The following FANCI variants were observed in gnomAD, a reference collection of about 807,000 sequenced individuals.
FANCI encodes the protein FA complementation group I, also known as Fanconi anemia group I protein.
In FANCI, 156 loss-of-function variants were observed where a neutral mutation model predicts 176.1. The ratio of observed to expected loss-of-function variants is 0.89; its 90% CI spans 0.78 to 1.01. The LOEUF (loss-of-function observed/expected upper bound fraction) is 1.01, where lower values mean the gene tolerates loss of function less well. Among genes scored for constraint, FANCI ranks in the 50% least tolerant of loss-of-function variants. FANCI has a pLI of 0.00. For missense variants in FANCI, 1,678 were observed against 1,534.1 expected (o/e 1.09, Z -1.57); for synonymous variants, 613 against 541.7 (o/e 1.13, Z -1.83).
At chr15:89,311,371 A>G (rs1379993275) in intron 34 of FANCI, among the ~76,000 whole-genome samples, 1 of 152,182 alleles carries the variant, frequency 6.6e-6, no homozygotes, top group East Asian at 1.9e-4. Context: ...GTGAGCTGAG[A>G]TCGCACCATT....
chr15:89,304,639 C>T (rs77260683), intron 28 of FANCI, among the ~76,000 whole-genome samples: 1 of 152,218 alleles, frequency 6.6e-6, no homozygotes, highest in Non-Finnish European at 1.5e-5. Context: ...TCATTGCAGA[C>T]TAGCTGCTTG....
At chr15:89,307,747 C>T in intron 34 of FANCI, 75 bp downstream of exon 34, 5 of 1,612,872 alleles carry the variant, frequency 3.1e-6, no homozygotes, top group Non-Finnish European at 4.2e-6. Context: ...CTATTGATCA[C>T]CTGAACTGAG....
chr15:89,252,516 G>A (rs2052303019), intron 2 of FANCI, among the ~76,000 whole-genome samples: 1 of 151,948 alleles, frequency 6.6e-6, no homozygotes, highest in Non-Finnish European at 1.5e-5. Flanking sequence ...AAGGCAGGCG[G>A]ATCACCTGAG....
Position 89,305,543 on chromosome 15 carries a change from A to G in FANCI, c.3256-62A>G, listed in dbSNP as rs1384716397. 5 of 1,604,116 alleles carry G rather than the reference A, an allele frequency of 3.1e-6. No homozygotes were observed. The Admixed American group carries it at 6.7e-5, about 21-fold the overall frequency. ...CACCTGTAGGTGGCCAGGTGACCAC[A>G]GTTATTATATTACCCCCACAGCTGT... On this transcript the variant is annotated intron_variant, in intron 30 of 37. Coordinates refer to ENST00000310775, the MANE Select transcript of FANCI (RefSeq NM_001113378.2).
chr15:89,271,173 G>A (rs2053186295), intron 10 of FANCI, among the ~76,000 whole-genome samples: 1 of 151,934 alleles, frequency 6.6e-6, no homozygotes, highest in South Asian at 2.1e-4. Context: ...AATTTACATA[G>A]CACAAAATTA....
chr15:89,282,055 C>T (rs2053634610), intron 16 of FANCI: 6 of 525,500 alleles, frequency 1.1e-5, no homozygotes, highest in Non-Finnish European at 1.7e-5. Context: ...TTGCAATTCC[C>T]ATTTTACAGA....
chr15:89,283,864 G>A (rs1420430701), intron 17 of FANCI, among the ~76,000 whole-genome samples: 6 of 151,612 alleles, frequency 4.0e-5, no homozygotes, highest in Non-Finnish European at 7.4e-5. Context: ...CCGGGTTCAC[G>A]CCATTCTCCT....
chr15:89,299,308 T>C (rs2054440729), intron 24 of FANCI, among the ~76,000 whole-genome samples: 2 of 152,182 alleles, frequency 1.3e-5, no homozygotes, highest in Admixed American at 6.5e-5. Context: ...CGTGGTAAAT[T>C]CATCCAAACA....
intron 12 of FANCI, among the ~76,000 whole-genome samples, chr15:89,274,599 CTTTTTTTTTTTT>C (rs1157910630): frequency 1.2e-5 from 1 of 82,834 alleles, no homozygotes; most frequent in Non-Finnish European, 2.2e-5. Flanking sequence ...TCTTTCTTTC[CTTTTTTTTTTTT>C]TTTTTTTTTT....
chr15:89,316,558 A>T lies in FANCI; in HGVS notation c.*99A>T. The T allele has an allele frequency of 7.6e-7, 1 of 1,314,186 alleles. No homozygotes were observed. Among genetic ancestry groups the T allele is most frequent in the South Asian group, 1.2e-5 (1 of 80,338 alleles). The allele number at this position is 1,314,186 out of a possible 1,614,324, so 81.4% of individuals were successfully genotyped here. ...TCCTGTAGTCCACACCGATGTTGGC[A>T]TCTTGGTTCTGAACCCACTGAATTC... On this transcript the variant is annotated 3_prime_UTR_variant, in exon 38 of 38. Coordinates refer to ENST00000310775, the MANE Select transcript of FANCI (RefSeq NM_001113378.2).
At chr15:89,262,325 C>T (rs948921107) in intron 6 of FANCI, among the ~76,000 whole-genome samples, 1 of 151,752 alleles carries the variant, frequency 6.6e-6, no homozygotes, top group African/African-American at 2.4e-5. Flanking sequence ...TGGGAATCTA[C>T]ATTAAAGAAT....
At chr15:89,274,822 C>G (rs1222494317) in intron 12 of FANCI, among the ~76,000 whole-genome samples, 1 of 151,814 alleles carries the variant, frequency 6.6e-6, no homozygotes, top group African/African-American at 2.4e-5. Flanking sequence ...CCAGGCTGGT[C>G]TTGAACTTCT....
chr15:89,310,006 T>C (rs1344470833), intron 34 of FANCI, among the ~76,000 whole-genome samples: 1 of 152,212 alleles, frequency 6.6e-6, no homozygotes, highest in Non-Finnish European at 1.5e-5. Context: ...TCATCCTAGC[T>C]ATAGGTTATG....
chr15:89,306,025 C>G lies in FANCI; in HGVS notation c.3368C>G (p.Ala1123Gly). The G allele has an allele frequency of 6.2e-7, 1 of 1,614,178 alleles. No individual in the cohort carries two copies. The highest frequency in any genetic ancestry group is 8.5e-7 in the Non-Finnish European group (1 of 1,180,030). The stretch of plus-strand genomic sequence containing the variant: ...CCTTTAGAAGAGGCCTCTTCTCAGG[C>G]AACCCTACCAAATCAGCCTGTTGAG... ...ETLSEEASSQ[A>G]TLPNQPVEKA... Residue 1123 changes from alanine (A) to glycine (G), a missense_variant, in exon 32 of 38, where the codon GCA (alanine) becomes GGA (glycine). This residue lies in a region of FANCI where 1,204 missense variants were observed against 1,077.4 expected (regional missense o/e 1.12). Coordinates refer to ENST00000310775, the MANE Select transcript of FANCI (RefSeq NM_001113378.2).
At chr15:89,266,892 A>G (rs1044292111) in intron 9 of FANCI, among the ~76,000 whole-genome samples, 5 of 151,634 alleles carry the variant, frequency 3.3e-5, no homozygotes, top group African/African-American at 1.2e-4. Flanking sequence ...TAGGTTTGAG[A>G]TATATATTAG....
At chr15:89,253,437 C>G (rs929318048) in intron 2 of FANCI, among the ~76,000 whole-genome samples, 9 of 152,048 alleles carry the variant, frequency 5.9e-5, no homozygotes, top group African/African-American at 2.2e-4. Flanking sequence ...TCGCTTGAGC[C>G]ACGAGGTTCA....
At chr15:89,268,356 C>T in intron 9 of FANCI, 43 bp from the exon 10 acceptor site, 1 of 1,612,376 alleles carries the variant, frequency 6.2e-7, no homozygotes, top group Non-Finnish European at 8.5e-7. Flanking sequence ...CAGGCATGAG[C>T]CACTGCACCT....
intron 10 of FANCI, among the ~76,000 whole-genome samples, chr15:89,270,950 T>A (rs1202321719): frequency 6.6e-6 from 1 of 152,204 alleles, no homozygotes; most frequent in Non-Finnish European, 1.5e-5. Context: ...GCTTTAAAAC[T>A]TCTTTATCTT....
chr15:89,316,243 AACAACATAATT>A, intron 37 of FANCI, 143 bp from the exon 38 acceptor site: 2 of 777,774 alleles, frequency 2.6e-6, no homozygotes, highest in Non-Finnish European at 4.3e-6. Flanking sequence ...CCTCTTCTTC[AACAACATAATT>A]ACCTCCTGTG....
Sources: gnomAD v4.1 joint callset for allele counts (sites outside exome capture counted in the v4.1 genomes callset) on GRCh38, gnomAD v4.1.1 for gene constraint, gnomAD v4.1.1 regional missense constraint, MANE v1.5 for transcripts, NCBI Gene and HGNC (gene_info 2026-07-23, HGNC 2026-07-21) for gene names.